MAGI2: variants seen among roughly 807,000 people sequenced by gnomAD.
The protein encoded by MAGI2 is membrane-associated guanylate kinase, WW and PDZ domain-containing protein 2.
In MAGI2, 35 loss-of-function variants were observed where a neutral mutation model predicts 133.3. The ratio of observed to expected loss-of-function variants is 0.26; its 90% CI spans 0.20 to 0.35. The LOEUF is 0.35. Among genes scored for constraint, MAGI2 ranks in the 10% least tolerant of loss-of-function variants. MAGI2 has a pLI of 1.00. For synonymous variants in MAGI2, 729 were observed against 710.6 expected (o/e 1.03, Z -0.41); for missense variants, 1,636 against 1,863.4 (o/e 0.88, Z 2.25).
intron 3 of MAGI2, among the ~76,000 whole-genome samples, chr7:78,566,546 A>AC (rs1205288909): frequency 1.3e-5 from 2 of 151,682 alleles, no homozygotes; most frequent in Non-Finnish European, 2.9e-5. Flanking sequence ...AAAAAAAAAA[A>AC]AAAACAGAGG....
intron 10 of MAGI2, among the ~76,000 whole-genome samples, chr7:78,244,353 A>G (rs967429964): frequency 1.3e-5 from 2 of 152,008 alleles, no homozygotes; most frequent in Non-Finnish European, 2.9e-5. Flanking sequence ...AGCCCTGGCA[A>G]GACAGAAACT....
At chr7:79,379,890 G>C (rs1184901627) in intron 1 of MAGI2, among the ~76,000 whole-genome samples, 1 of 148,104 alleles carries the variant, frequency 6.8e-6, no homozygotes, top group Non-Finnish European at 1.5e-5. Flanking sequence ...AAATTTGTTT[G>C]AGTGGAAAGG....
chr7:78,058,208 T>C (rs1158114922), intron 21 of MAGI2, among the ~76,000 whole-genome samples: 1 of 151,916 alleles, frequency 6.6e-6, no homozygotes, highest in Non-Finnish European at 1.5e-5. Flanking sequence ...ATTGTGTCTA[T>C]ACATTAAAGT....
chr7:78,735,912 C>G (rs76657329), intron 2 of MAGI2, among the ~76,000 whole-genome samples: 1 of 152,096 alleles, frequency 6.6e-6, no homozygotes, highest in African/African-American at 2.4e-5. Context: ...GAAAGTAGAC[C>G]GAATGTGTGT....
chr7:78,622,100 T>C (rs1807807747), intron 3 of MAGI2, among the ~76,000 whole-genome samples: 1 of 152,140 alleles, frequency 6.6e-6, no homozygotes, highest in Middle Eastern at 3.4e-3. Flanking sequence ...TGACAATAAA[T>C]GCACCAATTT....
Position 78,900,541 on chromosome 7 carries a change from A to G in MAGI2, c.418+106549T>C, listed in dbSNP as rs1402628872. Among the ~76,000 whole-genome samples the G allele has an allele frequency of 2.6e-5, 4 of 151,918 alleles. No individual in the cohort carries two copies. The East Asian group carries it at 5.8e-4, about 22-fold the overall frequency. Reference sequence around the variant, plus strand: ...CTACCTACAATATTCTTCCACTCCAAATGCCATGGTTCTCTCCCCCTTCCT... The same window carrying G: ...CTACCTACAATATTCTTCCACTCCAGATGCCATGGTTCTCTCCCCCTTCCT... On this transcript the variant is annotated intron_variant, in intron 2 of 21. Transcript: ENST00000354212.
chr7:78,343,800 T>C lies in MAGI2; in HGVS notation c.1386A>G (p.Ala462=), dbSNP rs1420872186. ...VKSVIPDGPA[A]QDGKMETGDV... ...TACCTGTTTCCATTTTTCCATCCTG[T>C]GCTGCAGGCCCATCCGGAATCACAC... Residue 462 remains alanine (A), a synonymous_variant, in exon 9 of 22, where the codon GCA becomes GCG. Transcript: ENST00000354212. 3 of 1,593,636 alleles carry C rather than the reference T, an allele frequency of 1.9e-6. No homozygotes were observed. The Admixed American group carries it at 5.5e-5, about 29-fold the overall frequency.
At chr7:78,233,254 T>C (rs1289737072) in intron 10 of MAGI2, among the ~76,000 whole-genome samples, 1 of 152,106 alleles carries the variant, frequency 6.6e-6, no homozygotes, top group Non-Finnish European at 1.5e-5. Context: ...CTGGGAAATC[T>C]CAGTTTTTGA....
intron 20 of MAGI2, among the ~76,000 whole-genome samples, chr7:78,099,868 T>C (rs1818046683): frequency 6.6e-6 from 1 of 152,230 alleles, no homozygotes; most frequent in South Asian, 2.1e-4. Context: ...GACACTTTAA[T>C]GTGCCAATGA....
At chr7:78,662,022 G>T (rs909258211) in intron 2 of MAGI2, among the ~76,000 whole-genome samples, 1 of 152,058 alleles carries the variant, frequency 6.6e-6, no homozygotes, top group East Asian at 1.9e-4. Flanking sequence ...TGAATAATCT[G>T]CTTACACGGG....
intron 2 of MAGI2, among the ~76,000 whole-genome samples, chr7:78,718,421 C>A (rs907921549): frequency 2.0e-5 from 3 of 152,010 alleles, no homozygotes; most frequent in African/African-American, 7.3e-5. Context: ...GTGAGCAAAG[C>A]GTCATCTGTA....
At chr7:78,846,260 C>G (rs1792596362) in intron 2 of MAGI2, among the ~76,000 whole-genome samples, 1 of 151,886 alleles carries the variant, frequency 6.6e-6, no homozygotes, top group South Asian at 2.1e-4. Flanking sequence ...TGGAGATAAG[C>G]TGGAAACAAA....
At chr7:78,841,153 C>CA (rs145221257) in intron 2 of MAGI2, among the ~76,000 whole-genome samples, 19,044 of 152,040 alleles carry the variant, frequency 0.13, 1,246 homozygotes, top group African/African-American at 0.15. Context: ...TACCTACACT[C>CA]ACTGTCTCTA....
intron 3 of MAGI2, among the ~76,000 whole-genome samples, chr7:78,574,588 G>T (rs1217480943): frequency 6.6e-6 from 1 of 152,190 alleles, no homozygotes; most frequent in Non-Finnish European, 1.5e-5. Context: ...TGCTTGACTT[G>T]TTTAACATAT....
intron 1 of MAGI2, among the ~76,000 whole-genome samples, chr7:79,388,096 C>T (rs1844325507): frequency 6.6e-6 from 1 of 151,794 alleles, no homozygotes; most frequent in Admixed American, 6.6e-5. Context: ...AGCATCTAGC[C>T]TAGTTTCATT....
chr7:78,758,723 G>T (rs1299030569), intron 2 of MAGI2, among the ~76,000 whole-genome samples: 1 of 151,868 alleles, frequency 6.6e-6, no homozygotes, highest in Non-Finnish European at 1.5e-5. Flanking sequence ...CATTTTTTTG[G>T]GCAAACAATG....
chr7:79,136,991 TC>T (rs1237570212), intron 1 of MAGI2, among the ~76,000 whole-genome samples: 1 of 152,044 alleles, frequency 6.6e-6, no homozygotes, highest in East Asian at 1.9e-4. Context: ...AAATACAGAT[TC>T]TTTTTTTTTT....
intron 2 of MAGI2, among the ~76,000 whole-genome samples, chr7:78,956,265 T>C (rs541792386): frequency 1.7e-4 from 26 of 152,312 alleles, no homozygotes; most frequent in African/African-American, 6.3e-4. Flanking sequence ...TGTCTCATCA[T>C]ATTTGCATTA....
At chr7:78,334,658 T>C (rs1040866327) in intron 9 of MAGI2, among the ~76,000 whole-genome samples, 1 of 152,152 alleles carries the variant, frequency 6.6e-6, no homozygotes, top group Non-Finnish European at 1.5e-5. Flanking sequence ...TGCAAAGCTG[T>C]ACAGTAGGTG....
Sources: gnomAD v4.1 joint callset for allele counts (sites outside exome capture counted in the v4.1 genomes callset) on GRCh38, gnomAD v4.1.1 for gene constraint, MANE v1.5 for transcripts, NCBI Gene and HGNC (gene_info 2026-07-23, HGNC 2026-07-21) for gene names.